The following MAOA variants were observed in gnomAD, a reference collection of about 807,000 sequenced individuals.
MAOA encodes amine oxidase [flavin-containing] A.
MAOA carries 6 observed loss-of-function variants against 42.0 expected under a neutral mutation model. The observed-to-expected ratio is 0.14, with a 90% CI of 0.08 to 0.28. The LOEUF is 0.28. Ranked by LOEUF, MAOA falls within the 10% of genes least tolerant of loss-of-function variation. The probability of loss-of-function intolerance (pLI) is 1.00; values close to 1 mark genes in which losing one functional copy is unlikely to be tolerated. For missense variants in MAOA, 262 were observed against 422.3 expected (o/e 0.62, Z 3.33); for synonymous variants, 140 against 154.0 (o/e 0.91, Z 0.67).
intron 11 of MAOA, 53 bp downstream of exon 11, chrX:43,740,791 G>A: frequency 9.5e-7 from 1 of 1,056,910 alleles, no homozygotes; most frequent in South Asian, 2.0e-5. Flanking sequence ...TTCACTATAA[G>A]TAGTAAAGCA....
At chrX:43,688,201 G>A (rs924510299) in intron 2 of MAOA, among the ~76,000 whole-genome samples, 1 of 112,174 alleles carries the variant, frequency 8.9e-6, no homozygotes. Flanking sequence ...ACATTGTTCC[G>A]GCCACTTTGG....
intron 5 of MAOA, among the ~76,000 whole-genome samples, chrX:43,723,330 G>A (rs1449301476): frequency 8.9e-6 from 1 of 111,779 alleles, no homozygotes; most frequent in Non-Finnish European, 1.9e-5. Context: ...AGCATGGAAT[G>A]TTCTTCCATT....
chrX:43,728,367 T>C, intron 6 of MAOA, 53 bp downstream of exon 6: 1 of 1,162,148 alleles, frequency 8.6e-7, no homozygotes, highest in Non-Finnish European at 1.2e-6. Context: ...GTGATTTTGC[T>C]TTCTCCCAGG....
Position 43,656,433 on chromosome X carries a change from G to C in MAOA, c.73+19G>C. The C allele has an allele frequency of 2.5e-6, 3 of 1,195,471 alleles. No individual in the cohort carries two copies. In the Middle Eastern group the frequency reaches 6.9e-4, roughly 277 times the overall value. On this transcript the variant is annotated intron_variant, in intron 1 of 14. Transcript: ENST00000338702. ...ATTTCAGGTCAGTGTGGACCGTAGCGGTGGCCTGGGGGACCCTGGCCAGTG... is the reference window on the plus strand; with the variant it reads ...ATTTCAGGTCAGTGTGGACCGTAGCCGTGGCCTGGGGGACCCTGGCCAGTG...
Position 43,731,928 on chromosome X carries a change from G to T in MAOA, c.955+75G>T, listed in dbSNP as rs150609963. On this transcript the variant is annotated intron_variant, in intron 8 of 14. Transcript: ENST00000338702. ...GTCTTTTAGGATTATTGAACAGAAG[G>T]TATTGAACAGAAACAAAGTATTTTC... 6.1e-4 allele frequency: 583 copies of T among 951,917 alleles called. 8 individuals carry two copies. In the East Asian group the frequency reaches 0.018, roughly 29 times the overall value. The allele number at this position is 951,917 out of a possible 1,213,427, so 78.4% of individuals were successfully genotyped here. A position where few individuals can be genotyped will look rare whatever the true frequency, so the allele number is the denominator to read the frequency against.
chrX:43,739,010 T>C (rs1225909043), intron 10 of MAOA, among the ~76,000 whole-genome samples: 3 of 111,727 alleles, frequency 2.7e-5, no homozygotes, highest in African/African-American at 9.8e-5. Context: ...GGGTTTTGAC[T>C]GAACAAATAT....
At chrX:43,662,363 A>ATT (rs1381971452) in intron 1 of MAOA, among the ~76,000 whole-genome samples, 1 of 105,847 alleles carries the variant, frequency 9.4e-6, no homozygotes, top group East Asian at 2.9e-4. Flanking sequence ...TTGTGTTCTG[A>ATT]TTTTTTTTTT....
intron 2 of MAOA, among the ~76,000 whole-genome samples, chrX:43,689,028 A>G (rs1280892086): frequency 9.0e-6 from 1 of 111,038 alleles, no homozygotes; most frequent in East Asian, 2.8e-4. Flanking sequence ...CTTTATTCTG[A>G]CTTTTTTTCC....
At chrX:43,714,523 C>T (rs2033724356) in intron 5 of MAOA, among the ~76,000 whole-genome samples, 1 of 110,297 alleles carries the variant, frequency 9.1e-6, no homozygotes, top group Non-Finnish European at 1.9e-5. Flanking sequence ...GCGGGGATAT[C>T]ATCCACCAAC....
At chrX:43,691,927 AC>A (rs2033536873) in intron 2 of MAOA, among the ~76,000 whole-genome samples, 1 of 110,218 alleles carries the variant, frequency 9.1e-6, no homozygotes. Flanking sequence ...ATAATACTAG[AC>A]AATTTTCTGG....
intron 1 of MAOA, among the ~76,000 whole-genome samples, chrX:43,662,707 C>T (rs1352207844): frequency 9.0e-6 from 1 of 111,184 alleles, no homozygotes; most frequent in South Asian, 3.7e-4. Flanking sequence ...TTTTATATTA[C>T]ATATAGGGTG....
intron 5 of MAOA, among the ~76,000 whole-genome samples, chrX:43,726,957 C>T (rs779031756): frequency 9.0e-6 from 1 of 111,555 alleles, no homozygotes; most frequent in East Asian, 2.8e-4. Flanking sequence ...TTGGAGTTTG[C>T]TGGAGGTCCA....
chrX:43,723,014 C>A (rs2033803368), intron 5 of MAOA, among the ~76,000 whole-genome samples: 1 of 111,148 alleles, frequency 9.0e-6, no homozygotes, highest in Admixed American at 9.6e-5. Flanking sequence ...GGTGTTATTT[C>A]TGAGGCCTCT....
intron 5 of MAOA, among the ~76,000 whole-genome samples, chrX:43,721,235 A>G (rs1268037034): frequency 9.0e-6 from 1 of 111,483 alleles, no homozygotes; most frequent in Non-Finnish European, 1.9e-5. Context: ...TTCTAGGCAT[A>G]GAGGACAGGG....
intron 3 of MAOA, among the ~76,000 whole-genome samples, chrX:43,698,326 G>A (rs2033596847): frequency 8.9e-6 from 1 of 111,968 alleles, no homozygotes; most frequent in South Asian, 3.7e-4. Flanking sequence ...TGTGTTTACA[G>A]TGCAAGTTTT....
chrX:43,687,741 G>A (rs2033498312), intron 2 of MAOA, among the ~76,000 whole-genome samples: 1 of 112,496 alleles, frequency 8.9e-6, no homozygotes, highest in Admixed American at 9.4e-5. Flanking sequence ...TCTTCCTTAA[G>A]GCCGCTGTTC....
chrX:43,691,804 C>A (rs928152812), intron 2 of MAOA, among the ~76,000 whole-genome samples: 3 of 111,298 alleles, frequency 2.7e-5, no homozygotes, highest in Non-Finnish European at 5.6e-5. Context: ...ATAGGCCAGT[C>A]TCAATATTGC....
chrX:43,676,340 C>T (rs190744209), intron 1 of MAOA, among the ~76,000 whole-genome samples: 4 of 111,734 alleles, frequency 3.6e-5, no homozygotes, highest in South Asian at 3.7e-4. Context: ...TTCCAGGTGC[C>T]GTCTGTCACC....
At chrX:43,672,886 T>G (rs2033350800) in intron 1 of MAOA, among the ~76,000 whole-genome samples, 1 of 111,818 alleles carries the variant, frequency 8.9e-6, no homozygotes, top group Admixed American at 9.5e-5. Flanking sequence ...TCAAGGATAT[T>G]GGTCTAAAAT....
Sources: allele counts gnomAD v4.1 joint callset (sites outside exome capture counted in the v4.1 genomes callset), GRCh38; gene constraint gnomAD v4.1.1; transcripts MANE v1.5; gene names NCBI Gene and HGNC (gene_info 2026-07-23, HGNC 2026-07-21).